The following PALLD variants were observed in gnomAD, a reference collection of about 807,000 sequenced individuals.
PALLD encodes the protein palladin, cytoskeletal associated protein.
A neutral mutation model predicts 123.5 loss-of-function variants in PALLD; 61 were observed. The ratio of observed to expected loss-of-function variants is 0.49; its 90% CI spans 0.40 to 0.61. The LOEUF is 0.61. Among genes scored for constraint, PALLD ranks in the 20% least tolerant of loss-of-function variants. The probability of loss-of-function intolerance (pLI) is 0.00; values close to 1 mark genes in which losing one functional copy is unlikely to be tolerated. For missense variants in PALLD, 1,273 were observed against 1,377.0 expected (o/e 0.92, Z 1.20); for synonymous variants, 465 against 496.4 (o/e 0.94, Z 0.84).
intron 2 of PALLD, among the ~76,000 whole-genome samples, chr4:168,639,909 G>T (rs1013444804): frequency 6.6e-6 from 1 of 152,124 alleles, no homozygotes; most frequent in Non-Finnish European, 1.5e-5. Flanking sequence ...TGTCTTTTAG[G>T]TTCAATAATA....
At chr4:168,574,294 A>AC (rs930978292) in intron 2 of PALLD, among the ~76,000 whole-genome samples, 1 of 151,900 alleles carries the variant, frequency 6.6e-6, no homozygotes, top group African/African-American at 2.4e-5. Flanking sequence ...ACCACAAAAA[A>AC]CCCCCAAAGA....
intron 17 of PALLD, among the ~76,000 whole-genome samples, chr4:168,918,325 G>GATAGAT (rs1553981957): frequency 3.9e-4 from 58 of 149,460 alleles, no homozygotes; most frequent in Admixed American, 2.3e-3. Context: ...GAAAATATGA[G>GATAGAT]ATATATATAT....
chr4:168,685,868 G>T (rs375810970), intron 6 of PALLD, among the ~76,000 whole-genome samples: 2 of 145,152 alleles, frequency 1.4e-5, no homozygotes, highest in Non-Finnish European at 3.0e-5. Flanking sequence ...AGGAGATCTA[G>T]CAAGTTTTAT....
chr4:168,835,599 T>A (rs888301963), intron 10 of PALLD, among the ~76,000 whole-genome samples: 1 of 150,948 alleles, frequency 6.6e-6, no homozygotes, highest in Non-Finnish European at 1.5e-5. Context: ...ATTTAAGGGA[T>A]TTTTTTTAAA....
At chr4:168,610,955 C>T (rs748226158) in intron 2 of PALLD, among the ~76,000 whole-genome samples, 6 of 152,168 alleles carry the variant, frequency 3.9e-5, no homozygotes, top group Non-Finnish European at 8.8e-5. Context: ...AAATCTTGTG[C>T]AGTCACAGGT....
chr4:168,701,260 C>CTG (rs1783645236), intron 8 of PALLD, among the ~76,000 whole-genome samples: 2 of 152,396 alleles, frequency 1.3e-5, no homozygotes, highest in South Asian at 4.1e-4. Context: ...TCACAAGGAG[C>CTG]TGCCCCAGAG....
At chr4:168,715,015 AGTC>A in intron 10 of PALLD, among the ~76,000 whole-genome samples, 1 of 152,266 alleles carries the variant, frequency 6.6e-6, no homozygotes. Context: ...GTCCAACAGA[AGTC>A]GTCACCTATA....
chr4:168,627,444 T>C (rs1775408822), intron 2 of PALLD, among the ~76,000 whole-genome samples: 1 of 152,046 alleles, frequency 6.6e-6, no homozygotes, highest in Non-Finnish European at 1.5e-5. Flanking sequence ...TAGGAAGAAG[T>C]GGTTGCAGTG....
chr4:168,787,482 A>C (rs1243276771), intron 10 of PALLD, among the ~76,000 whole-genome samples: 1 of 152,238 alleles, frequency 6.6e-6, no homozygotes, highest in Admixed American at 6.5e-5. Context: ...TGCTGTCAGC[A>C]CAGTAGCCAC....
intron 10 of PALLD, among the ~76,000 whole-genome samples, chr4:168,879,744 G>A (rs926839492): frequency 4.6e-5 from 7 of 152,164 alleles, no homozygotes; most frequent in Non-Finnish European, 1.0e-4. Flanking sequence ...ACAGTCCAAT[G>A]AATATATAAA....
chr4:168,924,828 C>A, intron 19 of PALLD, 117 bp from the exon 20 acceptor site: 1 of 983,602 alleles, frequency 1.0e-6, no homozygotes, highest in Non-Finnish European at 1.6e-6. Context: ...TAAGTATGAC[C>A]CTATTATCAG....
At chr4:168,915,307 C>G (rs954618567) in intron 16 of PALLD, among the ~76,000 whole-genome samples, 2 of 152,162 alleles carry the variant, frequency 1.3e-5, no homozygotes, top group African/African-American at 4.8e-5. Flanking sequence ...AAAGGTTTCT[C>G]TGGCAACCTT....
intron 14 of PALLD, among the ~76,000 whole-genome samples, chr4:168,899,790 G>A (rs576630103): frequency 5.3e-5 from 8 of 152,022 alleles, no homozygotes; most frequent in East Asian, 1.9e-4. Context: ...GGTGGTGGGC[G>A]CCTGTAATCT....
intron 10 of PALLD, among the ~76,000 whole-genome samples, chr4:168,744,526 G>A (rs1788670964): frequency 6.6e-6 from 1 of 152,004 alleles, no homozygotes. Context: ...GGCATCAAAG[G>A]GTTTCTAAAA....
intron 10 of PALLD, among the ~76,000 whole-genome samples, chr4:168,802,644 C>T (rs1351407059): frequency 6.6e-6 from 1 of 152,010 alleles, no homozygotes; most frequent in African/African-American, 2.4e-5. Context: ...TAAAAAGGAA[C>T]TATGCTAAAT....
intron 2 of PALLD, among the ~76,000 whole-genome samples, chr4:168,586,777 C>A (rs1770864081): frequency 6.6e-6 from 1 of 152,156 alleles, no homozygotes; most frequent in East Asian, 1.9e-4. Context: ...TCTTTCAAAC[C>A]CTTATATACC....
At chr4:168,581,247 A>G (rs751368361) in intron 2 of PALLD, among the ~76,000 whole-genome samples, 24 of 151,586 alleles carry the variant, frequency 1.6e-4, no homozygotes, top group Non-Finnish European at 2.8e-4. Context: ...TACTGATTTC[A>G]TTTCCTTTGT....
intron 10 of PALLD, among the ~76,000 whole-genome samples, chr4:168,794,504 ACG>A (rs565730671): frequency 0.029 from 3,828 of 134,098 alleles, 58 homozygotes; most frequent in South Asian, 0.081. Flanking sequence ...GCACACACAC[ACG>A]CACACACACA....
intron 10 of PALLD, among the ~76,000 whole-genome samples, chr4:168,768,049 TC>T (rs2150482808): frequency 6.6e-6 from 1 of 152,304 alleles, no homozygotes; most frequent in African/African-American, 2.4e-5. Flanking sequence ...TTGGAAAACC[TC>T]CTGTTCATCC....
Sources: allele counts gnomAD v4.1 joint callset (sites outside exome capture counted in the v4.1 genomes callset), GRCh38; gene constraint gnomAD v4.1.1; transcripts MANE v1.5; gene names NCBI Gene and HGNC (gene_info 2026-07-23, HGNC 2026-07-21).